ARRB1: variants seen among roughly 807,000 people sequenced by gnomAD.
ARRB1 encodes beta-arrestin-1.
ARRB1 carries 21 observed loss-of-function variants against 56.8 expected under a neutral mutation model. The ratio of observed to expected loss-of-function variants is 0.37; its 90% CI spans 0.26 to 0.53. The LOEUF (loss-of-function observed/expected upper bound fraction) is 0.53. Ranked by LOEUF, ARRB1 falls within the 20% of genes least tolerant of loss-of-function variation. The pLI is 0.88. For missense variants in ARRB1, 424 were observed against 553.7 expected (o/e 0.77, Z 2.35); for synonymous variants, 210 against 218.6 (o/e 0.96, Z 0.35).
At position 75,266,247 on chromosome 11, in the gene ARRB1, A is replaced by G; in HGVS notation, c.1173T>C (p.Phe391=). The G allele has an allele frequency of 6.2e-7, 1 of 1,614,226 alleles. No homozygotes were observed. The highest frequency in any genetic ancestry group is 8.5e-7 in the Non-Finnish European group (1 of 1,180,042). ...TNDDDIVFED[F]ARQRLKGMKD... is the part of the protein sequence containing the mutation. ...TCATGCCTTTCAGTCTCTGGCGAGC[A>G]AAGTCCTCAAATACAATGTCGTCAT... Residue 391 remains phenylalanine (F), a synonymous_variant, in exon 16 of 16, where the codon TTT becomes TTC. Transcript: ENST00000420843.
chr11:75,282,157 A>T, intron 5 of ARRB1, 136 bp from the exon 6 acceptor site: 1 of 761,434 alleles, frequency 1.3e-6, no homozygotes, highest in East Asian at 2.7e-5. Flanking sequence ...CCATCAGACC[A>T]TGCCAAGCCA....
intron 1 of ARRB1, chr11:75,335,170 C>A: frequency 4.1e-6 from 1 of 246,554 alleles, no homozygotes; most frequent in South Asian, 4.8e-5. Context: ...CTGCCTCCAG[C>A]CCAACAGACA....
chr11:75,295,659 A>G (rs190086534), intron 1 of ARRB1, among the ~76,000 whole-genome samples: 55 of 152,310 alleles, frequency 3.6e-4, no homozygotes, highest in Admixed American at 2.6e-3. Context: ...CACAGGTTCC[A>G]AGGATTATGA....
intron 10 of ARRB1, among the ~76,000 whole-genome samples, chr11:75,276,214 G>GAAA (rs5792683): frequency 6.6e-6 from 1 of 151,344 alleles, no homozygotes. Context: ...GCAGGGCCAG[G>GAAA]AAAAAAAAAT....
chr11:75,337,054 A>G (rs1377919187), intron 1 of ARRB1, among the ~76,000 whole-genome samples: 1 of 152,272 alleles, frequency 6.6e-6, no homozygotes, highest in Non-Finnish European at 1.5e-5. Flanking sequence ...CTAGGTATTC[A>G]GGAAATGCGT....
intron 1 of ARRB1, among the ~76,000 whole-genome samples, chr11:75,302,204 G>A (rs761293543): frequency 1.3e-5 from 2 of 152,196 alleles, no homozygotes; most frequent in Non-Finnish European, 2.9e-5. Flanking sequence ...TGGGGAGTGA[G>A]GGGTTCTGGC....
intron 1 of ARRB1, among the ~76,000 whole-genome samples, chr11:75,298,344 T>A (rs1946813374): frequency 6.6e-6 from 1 of 151,972 alleles, no homozygotes; most frequent in Admixed American, 6.6e-5. Flanking sequence ...CTATTACAAC[T>A]CAACAACAAA....
intron 1 of ARRB1, chr11:75,312,272 A>G: frequency 2.0e-5 from 14 of 691,904 alleles, no homozygotes; most frequent in Non-Finnish European, 3.1e-5. Context: ...GGAGTGGGAG[A>G]AGAGGCGTCA....
intron 14 of ARRB1, 117 bp from the exon 15 acceptor site, chr11:75,267,820 T>C (rs1339932485): frequency 8.4e-6 from 7 of 832,288 alleles, no homozygotes; most frequent in African/African-American, 8.4e-5. Context: ...GGGCAAAGGA[T>C]AAAGGGGAAT....
At chr11:75,293,059 G>A (rs545689048) in intron 1 of ARRB1, among the ~76,000 whole-genome samples, 1 of 152,132 alleles carries the variant, frequency 6.6e-6, no homozygotes, top group African/African-American at 2.4e-5. Flanking sequence ...ATGAGGAGAG[G>A]AGAGGGGCAA....
chr11:75,338,733 G>A (rs1262339760), intron 1 of ARRB1, among the ~76,000 whole-genome samples: 1 of 152,134 alleles, frequency 6.6e-6, no homozygotes, highest in South Asian at 2.1e-4. Context: ...AAACGACAAC[G>A]CATATTAATC....
chr11:75,333,065 A>G (rs536324903), intron 1 of ARRB1, among the ~76,000 whole-genome samples: 2 of 152,306 alleles, frequency 1.3e-5, no homozygotes, highest in Admixed American at 6.5e-5. Context: ...CCTTGGGCAC[A>G]TGTTCTCAAG....
chr11:75,286,016 G>C (rs1284363300), intron 3 of ARRB1, among the ~76,000 whole-genome samples: 1 of 152,180 alleles, frequency 6.6e-6, no homozygotes, highest in African/African-American at 2.4e-5. Context: ...CAGCATCCCA[G>C]GCAGGGCTGG....
rs529104673 is a variant in ARRB1, at chr11:75,307,851, G to T, written c.21-17812C>A. Among the ~76,000 whole-genome samples, 23 of 152,322 alleles carry T rather than the reference G, an allele frequency of 1.5e-4. No individual in the cohort carries two copies. In the South Asian group the frequency reaches 4.3e-3, roughly 29 times the overall value. ...GGAGAGATGGCAGGGGGCAACAGGG[G>T]GATCCCTGACAAGAGGATCCCAGGA... is the stretch of plus-strand genomic sequence containing the variant. On this transcript the variant is annotated intron_variant, in intron 1 of 15. Coordinates refer to ENST00000420843, the MANE Select transcript of ARRB1 (RefSeq NM_004041.5).
At chr11:75,300,658 C>G (rs1029715920) in intron 1 of ARRB1, among the ~76,000 whole-genome samples, 2 of 151,986 alleles carry the variant, frequency 1.3e-5, no homozygotes, top group Non-Finnish European at 2.9e-5. Flanking sequence ...GGTGAAACCC[C>G]ATCTCGACTA....
chr11:75,341,803 A>G (rs1305239420), intron 1 of ARRB1, among the ~76,000 whole-genome samples: 2 of 152,236 alleles, frequency 1.3e-5, no homozygotes, highest in African/African-American at 4.8e-5. Context: ...ACCAAGGCTC[A>G]AGGGCAGGAC....
At chr11:75,282,148 C>T (rs1451316829) in intron 5 of ARRB1, 127 bp from the exon 6 acceptor site, 8 of 888,062 alleles carry the variant, frequency 9.0e-6, no homozygotes, top group Non-Finnish European at 1.4e-5. Flanking sequence ...ATGTCTATCC[C>T]ATCAGACCAT....
chr11:75,286,255 C>CTTTTTTTTTTTTTTTTTTT (rs60988072), intron 3 of ARRB1, among the ~76,000 whole-genome samples: 2 of 38,678 alleles, frequency 5.2e-5, no homozygotes, highest in African/African-American at 2.2e-4. Flanking sequence ...ATTTGCTCAT[C>CTTTTTTTTTTTTTTTTTTT]TTTTTTTTTT....
Position 75,296,330 on chromosome 11 carries a change from T to G in ARRB1, c.21-6291A>C, listed in dbSNP as rs181392000. On this transcript the variant is annotated intron_variant, in intron 1 of 15. Coordinates refer to ENST00000420843, the MANE Select transcript of ARRB1 (RefSeq NM_004041.5). ...ATCCGCTGTTCTAGAAAAACATGCC[T>G]AAACCAAACATGCCCTATCCGTGTC... 2.1e-3 allele frequency among the ~76,000 whole-genome samples: 320 copies of G among 152,200 alleles called. 2 individuals carry two copies. Among genetic ancestry groups the G allele is most frequent in the Non-Finnish European group, 3.4e-3 (230 of 68,010 alleles).
Sources: gnomAD v4.1 joint callset for allele counts (sites outside exome capture counted in the v4.1 genomes callset) on GRCh38, gnomAD v4.1.1 for gene constraint, MANE v1.5 for transcripts, NCBI Gene and HGNC (gene_info 2026-07-23, HGNC 2026-07-21) for gene names.